CACNA2D3: variants seen among roughly 807,000 people sequenced by gnomAD.
CACNA2D3 encodes calcium voltage-gated channel auxiliary subunit alpha2delta 3, also known as voltage-dependent calcium channel subunit alpha-2/delta-3.
CACNA2D3 carries 60 observed loss-of-function variants against 160.6 expected under a neutral mutation model. That is an observed-to-expected ratio of 0.37 (90% CI 0.30 to 0.46). The LOEUF (loss-of-function observed/expected upper bound fraction) is 0.46, where lower values mean the gene tolerates loss of function less well. CACNA2D3 is among the 20% of genes least tolerant of loss of function. The probability of loss-of-function intolerance (pLI) is 1.00; values close to 1 mark genes in which losing one functional copy is unlikely to be tolerated. For missense variants in CACNA2D3, 1,205 were observed against 1,365.0 expected (o/e 0.88, Z 1.85); for synonymous variants, 558 against 492.9 (o/e 1.13, Z -1.75).
chr3:54,438,763 A>T (rs1376592203), intron 4 of CACNA2D3, among the ~76,000 whole-genome samples: 1 of 152,250 alleles, frequency 6.6e-6, no homozygotes, highest in African/African-American at 2.4e-5. Flanking sequence ...TTTAACAATC[A>T]TTAAGGGAGG....
chr3:54,685,994 G>T (rs1700442645), intron 11 of CACNA2D3, among the ~76,000 whole-genome samples: 2 of 152,228 alleles, frequency 1.3e-5, no homozygotes, highest in African/African-American at 4.8e-5. Context: ...GTAGGTGTTT[G>T]CTGCATTACA....
intron 4 of CACNA2D3, among the ~76,000 whole-genome samples, chr3:54,417,558 A>C (rs930599334): frequency 1.1e-4 from 16 of 152,110 alleles, no homozygotes; most frequent in African/African-American, 3.1e-4. Flanking sequence ...CTTTTAGGAA[A>C]TCTAGCAACT....
At chr3:54,527,135 C>G (rs914634572) in intron 5 of CACNA2D3, among the ~76,000 whole-genome samples, 2 of 152,228 alleles carry the variant, frequency 1.3e-5, no homozygotes, top group East Asian at 3.9e-4. Context: ...ATGTCCTCCT[C>G]CCAGCTGTCT....
chr3:54,819,341 C>A (rs780028414), intron 14 of CACNA2D3, among the ~76,000 whole-genome samples: 8 of 152,200 alleles, frequency 5.3e-5, no homozygotes, highest in Non-Finnish European at 1.0e-4. Context: ...CAGAGCCTGG[C>A]ATATGGTAGA....
chr3:54,324,878 C>T (rs1333169558), intron 3 of CACNA2D3, among the ~76,000 whole-genome samples: 2 of 152,096 alleles, frequency 1.3e-5, no homozygotes, highest in Non-Finnish European at 1.5e-5. Flanking sequence ...CAGACCATTC[C>T]TAAGTGACAC....
intron 9 of CACNA2D3, among the ~76,000 whole-genome samples, chr3:54,598,667 C>T (rs531592383): frequency 1.3e-5 from 2 of 152,216 alleles, no homozygotes; most frequent in South Asian, 4.1e-4. Flanking sequence ...AGTCCTCTAC[C>T]TTTCGACATT....
chr3:54,744,559 G>A (rs935295042), intron 11 of CACNA2D3, among the ~76,000 whole-genome samples: 3 of 152,186 alleles, frequency 2.0e-5, no homozygotes, highest in Non-Finnish European at 2.9e-5. Flanking sequence ...TATAGCTCTA[G>A]TGTTCCTGAT....
chr3:54,513,297 T>G (rs1375193391), intron 5 of CACNA2D3, among the ~76,000 whole-genome samples: 1 of 152,176 alleles, frequency 6.6e-6, no homozygotes, highest in Admixed American at 6.5e-5. Flanking sequence ...GAAACTTCTG[T>G]CCAGAACACA....
intron 2 of CACNA2D3, among the ~76,000 whole-genome samples, chr3:54,267,934 T>A (rs1349568877): frequency 6.6e-6 from 1 of 152,174 alleles, no homozygotes; most frequent in Non-Finnish European, 1.5e-5. Flanking sequence ...AAGCATGTGA[T>A]GTTTTGGGGG....
intron 11 of CACNA2D3, among the ~76,000 whole-genome samples, chr3:54,722,458 AGGAGTTGTGATCCTTT>A (rs1701185888): frequency 6.6e-6 from 1 of 152,104 alleles, no homozygotes; most frequent in African/African-American, 2.4e-5. Context: ...CTTGCTGGTT[AGGAGTTGTGATCCTTT>A]GGAGGAGAAG....
intron 13 of CACNA2D3, among the ~76,000 whole-genome samples, chr3:54,798,863 C>G (rs1156318670): frequency 1.3e-5 from 2 of 152,306 alleles, no homozygotes; most frequent in African/African-American, 4.8e-5. Context: ...GACATGTTCC[C>G]TGTTTGTTTC....
chr3:54,822,643 T>C lies in CACNA2D3; in HGVS notation c.1398+5773T>C, dbSNP rs139725052. Among the ~76,000 whole-genome samples the C allele has an allele frequency of 5.4e-3, 823 of 152,312 alleles. 9 individuals are homozygous for C. Among genetic ancestry groups the C allele is most frequent in the African/African-American group, 0.018 (731 of 41,554 alleles). On this transcript the variant is annotated intron_variant, in intron 14 of 37. Coordinates refer to ENST00000474759, the MANE Select transcript of CACNA2D3 (RefSeq NM_018398.3). ...GCAGGATAGCCAGCAGGACAGCATA[T>C]AGGCACTCCAGCCGAAGCTACGTGT...
At chr3:54,369,215 T>TAAAC (rs146527251) in intron 3 of CACNA2D3, among the ~76,000 whole-genome samples, 1,838 of 151,620 alleles carry the variant, frequency 0.012, 31 homozygotes, top group African/African-American at 0.042. Context: ...ATTGTCCTCT[T>TAAAC]AAACAAACAA....
chr3:54,445,555 T>TACACACACACACACACACACACACAC (rs3028897), intron 4 of CACNA2D3, among the ~76,000 whole-genome samples: 1 of 147,112 alleles, frequency 6.8e-6, no homozygotes, highest in Non-Finnish European at 1.5e-5. Flanking sequence ...TTTCTATGTA[T>TACACACACACACACACACACACACAC]ACACACACAC....
chr3:54,614,754 G>C (rs1698814257), intron 9 of CACNA2D3, among the ~76,000 whole-genome samples: 1 of 152,130 alleles, frequency 6.6e-6, no homozygotes, highest in Non-Finnish European at 1.5e-5. Flanking sequence ...TATTGTGATA[G>C]CAGGAAGCTA....
chr3:54,248,981 A>G (rs1252906793), intron 2 of CACNA2D3, among the ~76,000 whole-genome samples: 17 of 152,214 alleles, frequency 1.1e-4, no homozygotes, highest in Admixed American at 1.1e-3. Flanking sequence ...TACGTGTGCA[A>G]GGCAAATATC....
At chr3:54,865,295 C>A (rs907261781) in intron 17 of CACNA2D3, among the ~76,000 whole-genome samples, 1 of 152,196 alleles carries the variant, frequency 6.6e-6, no homozygotes, top group African/African-American at 2.4e-5. Flanking sequence ...TCATTATTTT[C>A]CAAATTTTCA....
At chr3:54,674,553 C>T (rs1700208220) in intron 11 of CACNA2D3, among the ~76,000 whole-genome samples, 2 of 152,090 alleles carry the variant, frequency 1.3e-5, no homozygotes, top group African/African-American at 4.8e-5. Context: ...TGTTTTTCTC[C>T]AGCCATATTT....
At chr3:54,493,050 T>C (rs1025361048) in intron 4 of CACNA2D3, among the ~76,000 whole-genome samples, 1 of 142,158 alleles carries the variant, frequency 7.0e-6, no homozygotes, top group Admixed American at 7.1e-5. Context: ...GTGGGAGGTA[T>C]TGCTCAAAAC....
Sources: gnomAD v4.1 joint callset for allele counts (sites outside exome capture counted in the v4.1 genomes callset) on GRCh38, gnomAD v4.1.1 for gene constraint, MANE v1.5 for transcripts, NCBI Gene and HGNC (gene_info 2026-07-23, HGNC 2026-07-21) for gene names.